The following UBE2L3 variants were observed in gnomAD, a reference collection of about 807,000 sequenced individuals.
The protein encoded by UBE2L3 is ubiquitin conjugating enzyme E2 L3, also known as ubiquitin-conjugating enzyme E2 L3.
Under a neutral mutation model 17.8 loss-of-function variants are expected in UBE2L3, and 1 was observed. That is an observed-to-expected ratio of 0.06 (90% CI 0.02 to 0.27). The LOEUF (loss-of-function observed/expected upper bound fraction) is 0.27. Ranked by LOEUF, UBE2L3 falls within the 10% of genes least tolerant of loss-of-function variation. UBE2L3 has a pLI of 1.00. For synonymous variants in UBE2L3, 44 were observed against 68.5 expected, an observed-to-expected ratio of 0.64 and a Z score of 1.76; for missense variants, 40 against 192.6, an observed-to-expected ratio of 0.21 and a Z score of 4.69.
upstream of UBE2L3, among the ~76,000 whole-genome samples, chr22:21,563,408 A>C (rs1393290177): frequency 6.8e-6 from 1 of 146,492 alleles, no homozygotes; most frequent in Non-Finnish European, 1.5e-5. Context: ...AAAAAAAAAA[A>C]AAAATTAGCC....
chr22:21,563,258 A>AG (rs1411528096), upstream of UBE2L3, among the ~76,000 whole-genome samples: 11 of 130,572 alleles, frequency 8.4e-5, no homozygotes, highest in African/African-American at 3.2e-4. Flanking sequence ...AAAAAAAAAA[A>AG]AATTTATTAC....
chr22:21,593,879 T>A (rs951641094), intron 2 of UBE2L3, among the ~76,000 whole-genome samples: 1 of 152,026 alleles, frequency 6.6e-6, no homozygotes, highest in Admixed American at 6.6e-5. Flanking sequence ...TAAACATGAC[T>A]CTTGTTGGTC....
At chr22:21,599,017 T>G (rs955763174) in intron 2 of UBE2L3, among the ~76,000 whole-genome samples, 1 of 152,092 alleles carries the variant, frequency 6.6e-6, no homozygotes, top group Non-Finnish European at 1.5e-5. Context: ...TTCTTTTGTA[T>G]TTTTAGTAGA....
chr22:21,613,052 G>A (rs532564630), intron 3 of UBE2L3, among the ~76,000 whole-genome samples: 5 of 152,230 alleles, frequency 3.3e-5, no homozygotes, highest in African/African-American at 4.8e-5. Context: ...TTAACCCATC[G>A]TGCCTGGGGA....
chr22:21,557,278 G>C (rs1209488042), intron 1 of UBE2L3, among the ~76,000 whole-genome samples: 1 of 152,236 alleles, frequency 6.6e-6, no homozygotes, highest in Non-Finnish European at 1.5e-5. Context: ...GAGATGGAAG[G>C]ATACCTTGAG....
intron 2 of UBE2L3, among the ~76,000 whole-genome samples, chr22:21,598,448 C>G (rs1267196747): frequency 1.3e-5 from 2 of 149,652 alleles, no homozygotes; most frequent in African/African-American, 4.9e-5. Flanking sequence ...TGACCCATTG[C>G]TTGTTAGAGA....
chr22:21,582,303 T>A (rs1927685192), intron 1 of UBE2L3, among the ~76,000 whole-genome samples: 1 of 151,646 alleles, frequency 6.6e-6, no homozygotes, highest in South Asian at 2.1e-4. Flanking sequence ...AGGCTCCAGT[T>A]TTTTCCTTGC....
chr22:21,590,359 G>A (rs1928190438), intron 1 of UBE2L3, among the ~76,000 whole-genome samples: 3 of 151,972 alleles, frequency 2.0e-5, no homozygotes, highest in Admixed American at 6.6e-5. Context: ...CACCACACCC[G>A]GCTGATTTTT....
intron 1 of UBE2L3, among the ~76,000 whole-genome samples, chr22:21,569,115 C>T (rs572725038): frequency 1.3e-5 from 2 of 152,266 alleles, no homozygotes; most frequent in African/African-American, 4.8e-5. Context: ...GGAGTGCAGG[C>T]CGGGCGCGAT....
intron 1 of UBE2L3, among the ~76,000 whole-genome samples, chr22:21,574,870 C>G (rs1033121088): frequency 1.4e-4 from 21 of 152,056 alleles, no homozygotes; most frequent in Non-Finnish European, 2.2e-4. Context: ...GAGGGGGAGG[C>G]AGAAGAATTG....
intron 1 of UBE2L3, chr22:21,568,301 A>G (rs1387518283): frequency 2.0e-6 from 2 of 985,590 alleles, no homozygotes; most frequent in Non-Finnish European, 2.4e-6. Context: ...AAGTTAGGTC[A>G]GTTTGTTGGT....
At chr22:21,553,015 C>CAT (rs1926126850) in intron 1 of UBE2L3, among the ~76,000 whole-genome samples, 1 of 40,218 alleles carries the variant, frequency 2.5e-5, no homozygotes, top group Non-Finnish European at 5.3e-5. Context: ...CGTGAGCCAC[C>CAT]GCGCATGGCC....
intron 2 of UBE2L3, among the ~76,000 whole-genome samples, chr22:21,601,999 G>A (rs897846231): frequency 6.6e-5 from 10 of 151,658 alleles, no homozygotes; most frequent in African/African-American, 2.4e-4. Context: ...AAACCAGCCT[G>A]GGGCACTCCG....
At chr22:21,577,068 A>G (rs1927352069) in intron 1 of UBE2L3, among the ~76,000 whole-genome samples, 1 of 150,966 alleles carries the variant, frequency 6.6e-6, no homozygotes. Context: ...TCCTGGGTTC[A>G]CGCCATTCTC....
At chr22:21,614,117 A>G (rs1929644412) in intron 3 of UBE2L3, among the ~76,000 whole-genome samples, 1 of 152,150 alleles carries the variant, frequency 6.6e-6, no homozygotes, top group Non-Finnish European at 1.5e-5. Context: ...CTTTTCCCAA[A>G]TGGCAGCTCC....
intron 1 of UBE2L3, among the ~76,000 whole-genome samples, chr22:21,568,706 G>A (rs1284472790): frequency 6.6e-6 from 1 of 152,108 alleles, no homozygotes; most frequent in Non-Finnish European, 1.5e-5. Flanking sequence ...GTCGGCGGCT[G>A]GGTAGTGCTG....
At chr22:21,570,115 T>C (rs1926876197) in intron 1 of UBE2L3, among the ~76,000 whole-genome samples, 1 of 152,174 alleles carries the variant, frequency 6.6e-6, no homozygotes, top group Admixed American at 6.6e-5. Flanking sequence ...ATATTTCTCT[T>C]TGAGCACTTG....
chr22:21,566,159 G>A (rs1926625252), upstream of UBE2L3, among the ~76,000 whole-genome samples: 1 of 151,896 alleles, frequency 6.6e-6, no homozygotes, highest in Admixed American at 6.6e-5. Flanking sequence ...TTTTAGTAGA[G>A]ACGGAGTTTC....
intron 2 of UBE2L3, among the ~76,000 whole-genome samples, chr22:21,608,855 T>G (rs1387466221): frequency 1.3e-5 from 2 of 150,536 alleles, no homozygotes; most frequent in Non-Finnish European, 3.0e-5. Flanking sequence ...GTGCTCAGAT[T>G]ACAGACATGA....
Sources: gnomAD v4.1 joint callset for allele counts (sites outside exome capture counted in the v4.1 genomes callset) on GRCh38, gnomAD v4.1.1 for gene constraint, MANE v1.5 for transcripts, NCBI Gene and HGNC (gene_info 2026-07-23, HGNC 2026-07-21) for gene names.